Variants in FBN3 observed in about 807,000 individuals in gnomAD.
The protein encoded by FBN3 is fibrillin 3, also known as fibrillin-3.
FBN3 carries 234 observed loss-of-function variants against 330.1 expected under a neutral mutation model. The observed-to-expected ratio is 0.71, with a 90% CI of 0.64 to 0.79. The LOEUF (loss-of-function observed/expected upper bound fraction) is 0.79, where lower values mean the gene tolerates loss of function less well. Among genes scored for constraint, FBN3 ranks in the 30% least tolerant of loss-of-function variants. FBN3 has a pLI of 0.00. For missense variants in FBN3, 3,606 were observed against 3,886.9 expected (o/e 0.93, Z 1.92); for synonymous variants, 1,458 against 1,517.3 (o/e 0.96, Z 0.91).
intron 18 of FBN3, among the ~76,000 whole-genome samples, chr19:8,128,039 G>T (rs2086249828): frequency 6.6e-6 from 1 of 152,158 alleles, no homozygotes; most frequent in African/African-American, 2.4e-5. Flanking sequence ...TATTACAAAT[G>T]ATGAACAGCC....
At chr19:8,084,297 T>G (rs2081882882) in intron 56 of FBN3, among the ~76,000 whole-genome samples, 1 of 152,116 alleles carries the variant, frequency 6.6e-6, no homozygotes, top group Admixed American at 6.5e-5. Context: ...CAGATGAACA[T>G]GGTGTATACT....
chr19:8,117,356 G>C, intron 27 of FBN3, 65 bp from the exon 28 acceptor site: 1 of 1,536,146 alleles, frequency 6.5e-7, no homozygotes, highest in African/African-American at 1.4e-5. Flanking sequence ...GGAGGGGGCT[G>C]GTTTGGGGGT....
intron 41 of FBN3, among the ~76,000 whole-genome samples, chr19:8,098,120 G>T (rs915799560): frequency 2.0e-5 from 3 of 152,218 alleles, no homozygotes; most frequent in African/African-American, 7.2e-5. Flanking sequence ...ACTTTAAATG[G>T]GTGAAGTGTG....
At chr19:8,126,163 C>G in intron 21 of FBN3, 134 bp downstream of exon 21, 2 of 1,420,564 alleles carry the variant, frequency 1.4e-6, no homozygotes, top group Non-Finnish European at 9.7e-7. Flanking sequence ...GCCTGGGGAC[C>G]AGGTAGGGAG....
intron 56 of FBN3, among the ~76,000 whole-genome samples, chr19:8,084,711 C>T (rs936199805): frequency 1.4e-4 from 21 of 151,842 alleles, no homozygotes; most frequent in African/African-American, 5.1e-4. Context: ...CTCAGCCTCC[C>T]GAGTAACTGG....
Position 8,109,753 on chromosome 19 carries a change from T to G in FBN3, c.4334A>C (p.Asp1445Ala), listed in dbSNP as rs752700736. Reference sequence around the variant, plus strand: ...TACTGGGTCTGCACACTCGTTGATGTCTGTAGGGAGGAAGCGCGGTCCTCA... The same window carrying G: ...TACTGGGTCTGCACACTCGTTGATGGCTGTAGGGAGGAAGCGCGGTCCTCA... ...ELDRGGGNCT[D>A]INECADPVNC... Residue 1445 changes from aspartate to alanine, a missense_variant and splice_region_variant, in exon 35 of 64, where the codon GAC becomes GCC. Asp to Ala is a moderately radical substitution (Grantham distance 126, BLOSUM62 -2). Transcript: ENST00000600128. The surrounding 1 kb of genome is among the most constrained non-coding windows in gnomAD (Gnocchi z 5.2). 8 of 1,502,068 alleles carry G rather than the reference T, an allele frequency of 5.3e-6. No homozygotes were observed. Among genetic ancestry groups the G allele is most frequent in the Admixed American group, 4.7e-5 (2 of 42,962 alleles). The allele number at this position is 1,502,068 out of a possible 1,614,324, so 93.0% of individuals were successfully genotyped here.
chr19:8,095,820 C>T (rs2082196496), intron 45 of FBN3, 144 bp downstream of exon 45: 1 of 601,844 alleles, frequency 1.7e-6, no homozygotes, highest in Admixed American at 3.0e-5. Context: ...ATTTATTTGA[C>T]CTATGGATTA....
chr19:8,123,663 C>T (rs777799632), intron 23 of FBN3, 74 bp from the exon 24 acceptor site: 2 of 1,602,204 alleles, frequency 1.2e-6, no homozygotes, highest in Non-Finnish European at 1.7e-6. Context: ...TCCCTGGGTT[C>T]TTAGTGCCTC....
At position 8,084,230 on chromosome 19, in the gene FBN3, C is replaced by T. The variant is rs114053396; in HGVS notation, c.7088-858G>A. On this transcript the variant is annotated intron_variant, in intron 56 of 63. Coordinates refer to ENST00000600128, the MANE Select transcript of FBN3 (RefSeq NM_032447.5). ...ACACTCACATACCTGCCCTTGTACA[C>T]TCACCCAAGTCCACAACACACAGGC... 5.3e-3 allele frequency among the ~76,000 whole-genome samples: 800 copies of T among 152,340 alleles called. 11 individuals carry two copies. Among genetic ancestry groups the T allele is most frequent in the African/African-American group, 0.019 (773 of 41,576 alleles).
In FBN3 at chr19:8,096,714, C is replaced by G; in HGVS notation, c.5414-145G>C. On this transcript the variant is annotated intron_variant, in intron 43 of 63. Transcript: ENST00000600128. This position sits in a 1 kb window ranked among gnomAD's most constrained non-coding sequence, Gnocchi z 4.6. The stretch of plus-strand genomic sequence containing the variant: ...GGGGCGTCAGGCTGTCTGCATGGAC[C>G]TGAGCTCTCACCTCTATCACATCCT... 2.3e-6 allele frequency: 3 copies of G among 1,316,542 alleles called. No individual in the cohort carries two copies. The highest frequency in any genetic ancestry group is 3.1e-6 in the Non-Finnish European group (3 of 957,156). 81.6% of individuals were successfully genotyped at this position (1,316,542 alleles called of 1,614,324 possible).
Position 8,109,318 on chromosome 19 carries a change from C to T in FBN3, c.4527G>A (p.Glu1509=). The change falls in exon 36 of 64, where the codon GAG becomes GAA. Residue 1509 remains glutamate (E), a synonymous_variant. Transcript: ENST00000600128. This position sits in a 1 kb window ranked among gnomAD's most constrained non-coding sequence, Gnocchi z 5.2. ...AAGCTCGGGTGACACCAACTCCGAT[C>T]TCGGCACTGCAGGAAATGCCACTGT... ...RGDSGISCSA[E]IGVGVTRASC... is the part of the protein sequence containing the mutation. The T allele has an allele frequency of 6.2e-7, 1 of 1,614,236 alleles. No homozygotes were observed. Among genetic ancestry groups the T allele is most frequent in the Non-Finnish European group, 8.5e-7 (1 of 1,180,050 alleles).
At chr19:8,119,961 C>A (rs2043296746) in intron 25 of FBN3, among the ~76,000 whole-genome samples, 1 of 151,128 alleles carries the variant, frequency 6.6e-6, no homozygotes. Flanking sequence ...GCTGGGACTA[C>A]AGGCAGGCAC....
rs199739474 is a variant in FBN3, at chr19:8,075,074, C to T, written c.7699G>A (p.Val2567Met). Residue 2567 changes from valine to methionine, a missense_variant, in exon 61 of 64, where the codon GTG becomes ATG. By Grantham distance (21) the Val-to-Met change is conservative. Transcript: ENST00000600128. ...CTTCCCAGCCCTTTTCACTCACCCA[C>T]ACACTGGGCCCACTGGGAGTGCTGG... ...FTQHSQWAQC[V>M]DENECALSPP... 15 of 1,604,606 alleles carry T rather than the reference C, an allele frequency of 9.3e-6. No homozygotes were observed. In the African/African-American group the frequency reaches 2.0e-4, roughly 21 times the overall value.
Position 8,100,955 on chromosome 19 carries a change from A to G in FBN3, c.5107T>C (p.Cys1703Arg). The change falls in exon 41 of 64, where the codon TGT (cysteine) becomes CGT (arginine). Residue 1703 changes from cysteine (C) to arginine (R), a missense_variant. Cys to Arg is a radical substitution (Grantham distance 180). Coordinates refer to ENST00000600128, the MANE Select transcript of FBN3 (RefSeq NM_032447.5). The stretch of plus-strand genomic sequence containing the variant: ...AGGAATCCCGGGGCCTGATTTCCAC[A>G]CAGGATCTGGTAGTCAGCTGCGCAA... Reference protein sequence around the residue: ...TPISPDYQILCGNQAPGFLTD... With the variant: ...TPISPDYQILRGNQAPGFLTD... 1 of 1,613,862 alleles carries G rather than the reference A, an allele frequency of 6.2e-7. No homozygotes were observed. Among genetic ancestry groups the G allele is most frequent in the Non-Finnish European group, 8.5e-7 (1 of 1,179,908 alleles).
At chr19:8,111,624 G>GGCCC in intron 32 of FBN3, 24 bp downstream of exon 32, 6 of 1,453,534 alleles carry the variant, frequency 4.1e-6, no homozygotes, top group Non-Finnish European at 4.7e-6. Context: ...TAGGGCCCCT[G>GGCCC]CCCTCCCACC....
intron 26 of FBN3, among the ~76,000 whole-genome samples, chr19:8,118,142 C>T (rs2082752647): frequency 6.6e-6 from 1 of 151,994 alleles, no homozygotes; most frequent in Non-Finnish European, 1.5e-5. Context: ...CATGTCCACA[C>T]CCAGACACCC....
intron 8 of FBN3, among the ~76,000 whole-genome samples, chr19:8,139,851 A>G (rs1190096075): frequency 1.3e-5 from 2 of 151,842 alleles, no homozygotes; most frequent in South Asian, 2.1e-4. Context: ...AACTCCTCCC[A>G]GCAGCTGGGA....
intron 47 of FBN3, 71 bp from the exon 48 acceptor site, chr19:8,091,661 G>C: frequency 6.4e-7 from 1 of 1,556,718 alleles, no homozygotes; most frequent in Non-Finnish European, 8.8e-7. Flanking sequence ...GGACTCAGCT[G>C]TGAGAAGGGA....
chr19:8,126,577 C>A lies in FBN3; in HGVS notation c.2445G>T (p.Lys815Asn), dbSNP rs1176782723. The stretch of plus-strand genomic sequence containing the variant: ...TCACCTCACAGCGGCTCTCCTGGAT[C>A]TTCAGCCAGCAGGTGCCCTTGGTGC... ...LDSTKGTCWL[K>N]IQESRCEVNL... is the part of the protein sequence containing the mutation. The change falls in exon 20 of 64, where the codon AAG becomes AAT. Residue 815 changes from lysine to asparagine, a missense_variant. Physicochemically the swap from Lys to Asn is moderately conservative, Grantham distance 94. Coordinates refer to ENST00000600128, the MANE Select transcript of FBN3 (RefSeq NM_032447.5). The A allele has an allele frequency of 6.2e-7, 1 of 1,610,958 alleles. No individual in the cohort carries two copies. The highest frequency in any genetic ancestry group is 1.7e-5 in the Admixed American group (1 of 60,020).
Sources: allele counts gnomAD v4.1 joint callset (sites outside exome capture counted in the v4.1 genomes callset), GRCh38; gene constraint gnomAD v4.1.1; non-coding constraint Gnocchi (gnomAD v3.1); transcripts MANE v1.5; gene names NCBI Gene and HGNC (gene_info 2026-07-23, HGNC 2026-07-21).